The following KIAA0825 variants were observed in gnomAD, a reference collection of about 807,000 sequenced individuals.
The protein encoded by KIAA0825 is uncharacterized protein KIAA0825.
In KIAA0825, 119 loss-of-function variants were observed where a neutral mutation model predicts 147.6. That is an observed-to-expected ratio of 0.81 (90% CI 0.69 to 0.94). The LOEUF is 0.94. Among genes scored for constraint, KIAA0825 ranks in the 40% least tolerant of loss-of-function variants. The pLI, the probability that KIAA0825 is intolerant of heterozygous loss-of-function variation, is 0.00. For synonymous variants in KIAA0825, 470 were observed against 518.1 expected, an observed-to-expected ratio of 0.91 and a Z score of 1.26; for missense variants, 1,381 against 1,472.7, an observed-to-expected ratio of 0.94 and a Z score of 1.02.
intron 20 of KIAA0825, among the ~76,000 whole-genome samples, chr5:94,305,789 T>C (rs1778690091): frequency 6.6e-6 from 1 of 151,912 alleles, no homozygotes; most frequent in Admixed American, 6.6e-5. Flanking sequence ...CAGTAACTTA[T>C]TTGTGAATGT....
At chr5:94,447,749 G>A (rs983472866) in intron 13 of KIAA0825, among the ~76,000 whole-genome samples, 30 of 152,004 alleles carry the variant, frequency 2.0e-4, no homozygotes, top group Non-Finnish European at 3.5e-4. Flanking sequence ...TTTTTAGGGA[G>A]GAAAATATAT....
intron 13 of KIAA0825, among the ~76,000 whole-genome samples, chr5:94,445,986 G>A (rs1757676178): frequency 6.6e-6 from 1 of 152,140 alleles, no homozygotes. Flanking sequence ...CCGCAGAGCA[G>A]TTTTTCAGCA....
At chr5:94,607,438 C>CATGGTGAAACCTTG (rs113330220) in intron 1 of KIAA0825, among the ~76,000 whole-genome samples, 54,632 of 151,648 alleles carry the variant, frequency 0.36, 10,606 homozygotes, top group African/African-American at 0.47. Flanking sequence ...GCCTGGCCAA[C>CATGGTGAAACCTTG]CCTCTACTAA....
chr5:94,428,132 A>G (rs1755136401), intron 14 of KIAA0825, among the ~76,000 whole-genome samples: 1 of 145,876 alleles, frequency 6.9e-6, no homozygotes, highest in African/African-American at 2.5e-5. Flanking sequence ...ACAGCAGAGG[A>G]TAAGGTCTTG....
chr5:94,370,467 T>G lies in KIAA0825; in HGVS notation c.3710+13901A>C, dbSNP rs73142946. On this transcript the variant is annotated intron_variant, in intron 20 of 20. Coordinates refer to ENST00000682413, the MANE Select transcript of KIAA0825 (RefSeq NM_001145678.3). Reference sequence around the variant, plus strand: ...TAGAGAAATGATTTTAAAATAGGGGTTATATCAGATAAAGGTGAGGAATGG... The same window carrying G: ...TAGAGAAATGATTTTAAAATAGGGGGTATATCAGATAAAGGTGAGGAATGG... Among the ~76,000 whole-genome samples, 1,074 of 152,064 alleles carry G rather than the reference T, an allele frequency of 7.1e-3. 14 individuals are homozygous for G. Among genetic ancestry groups the G allele is most frequent in the African/African-American group, 0.025 (1,023 of 41,486 alleles).
chr5:94,469,866 G>A lies in KIAA0825; in HGVS notation c.1872+95C>T. 4 of 975,516 alleles carry A rather than the reference G, an allele frequency of 4.1e-6. No homozygotes were observed. The South Asian group carries it at 7.3e-5, about 18-fold the overall frequency. 60.4% of individuals were successfully genotyped at this position (975,516 alleles called of 1,614,324 possible). A position where few individuals can be genotyped will look rare whatever the true frequency, so the allele number is the denominator to read the frequency against. On this transcript the variant is annotated intron_variant, in intron 10 of 20. Transcript: ENST00000682413. ...TTATCCTAACAGCCTTCGGGTATTA[G>A]TAATGCCAAGCTCATGTTTCTAATT...
intron 14 of KIAA0825, among the ~76,000 whole-genome samples, chr5:94,426,901 G>C (rs1474609781): frequency 1.3e-5 from 2 of 152,112 alleles, no homozygotes. Context: ...TTTTTATGCT[G>C]TTCTCTTGTT....
chr5:94,292,383 G>T lies in KIAA0825; in HGVS notation c.3710+91985C>A, dbSNP rs528728206. On this transcript the variant is annotated intron_variant, in intron 20 of 20. Coordinates refer to ENST00000682413, the MANE Select transcript of KIAA0825 (RefSeq NM_001145678.3). ...AGATAATCATGTGGTTTTTGTCATT[G>T]GTTCTGTTTATGTGATGGATTACGT... is the stretch of plus-strand genomic sequence containing the variant. Among the ~76,000 whole-genome samples, 8 of 152,234 alleles carry T rather than the reference G, an allele frequency of 5.3e-5. No homozygotes were observed. In the South Asian group the frequency reaches 8.3e-4, roughly 16 times the overall value.
intron 20 of KIAA0825, among the ~76,000 whole-genome samples, chr5:94,221,967 G>A (rs1041508484): frequency 1.3e-5 from 2 of 152,026 alleles, no homozygotes; most frequent in African/African-American, 4.8e-5. Context: ...CTAGTTCCAG[G>A]CAAAACAGTG....
intron 20 of KIAA0825, among the ~76,000 whole-genome samples, chr5:94,323,591 C>A (rs1322700335): frequency 6.6e-6 from 1 of 150,550 alleles, no homozygotes; most frequent in Non-Finnish European, 1.5e-5. Context: ...AAAGTGTATT[C>A]AGTAAAAGAA....
At position 94,473,298 on chromosome 5, in the gene KIAA0825, A is replaced by G. The variant is rs748128313; in HGVS notation, c.1449T>C (p.Ile483=). ...AAGGATTTCATATACTTGCTTTTCC[A>G]ATTTTCTTTGGTTGTTCCTCCTCAG... ...MFPEEEQPKK[I]GKFCSDIMEK... is the part of the protein sequence containing the mutation. The change falls in exon 8 of 21, where the codon ATT becomes ATC. Residue 483 remains isoleucine, a synonymous_variant. Coordinates refer to ENST00000682413, the MANE Select transcript of KIAA0825 (RefSeq NM_001145678.3). 3 of 1,551,406 alleles carry G rather than the reference A, an allele frequency of 1.9e-6. No individual in the cohort carries two copies. In the South Asian group the frequency reaches 3.6e-5, roughly 18 times the overall value.
At chr5:94,345,820 C>A (rs989663389) in intron 20 of KIAA0825, among the ~76,000 whole-genome samples, 1 of 152,044 alleles carries the variant, frequency 6.6e-6, no homozygotes, top group Non-Finnish European at 1.5e-5. Flanking sequence ...TCTCCAAAAA[C>A]CGAGCTCTCC....
intron 20 of KIAA0825, among the ~76,000 whole-genome samples, chr5:94,225,456 GC>G (rs1562322293): frequency 6.6e-6 from 1 of 152,152 alleles, no homozygotes; most frequent in Non-Finnish European, 1.5e-5. Flanking sequence ...AAATTCATAT[GC>G]TGAAGTCCTA....
intron 20 of KIAA0825, among the ~76,000 whole-genome samples, chr5:94,161,587 A>G (rs1767589780): frequency 6.6e-6 from 1 of 152,134 alleles, no homozygotes; most frequent in Non-Finnish European, 1.5e-5. Flanking sequence ...GCTTTGTTAC[A>G]TCTTTTCTAT....
At chr5:94,412,382 G>A (rs370799140) in intron 15 of KIAA0825, among the ~76,000 whole-genome samples, 3 of 152,106 alleles carry the variant, frequency 2.0e-5, no homozygotes, top group Non-Finnish European at 2.9e-5. Context: ...TGACTACTTC[G>A]TGAAACAGTT....
At position 94,386,311 on chromosome 5, in the gene KIAA0825, C is replaced by A. The variant is rs1362850194; in HGVS notation, c.3550G>T (p.Asp1184Tyr). 2 of 1,551,560 alleles carry A rather than the reference C, an allele frequency of 1.3e-6. No individual in the cohort carries two copies. The highest frequency in any genetic ancestry group is 3.9e-5 in the Admixed American group (2 of 50,998). Residue 1184 changes from aspartate to tyrosine, a missense_variant, in exon 19 of 21, where the codon GAT (aspartate) becomes TAT (tyrosine). Coordinates refer to ENST00000682413, the MANE Select transcript of KIAA0825 (RefSeq NM_001145678.3). ...PLKTTLRSIE[D>Y]QPSAFNPFHV... Reference sequence around the variant, plus strand: ...AAAGGGTTAAAGGCAGAAGGCTGATCTTCTATACTCCTCAAGGTCGTCTTT... The same window carrying A: ...AAAGGGTTAAAGGCAGAAGGCTGATATTCTATACTCCTCAAGGTCGTCTTT...
chr5:94,534,412 A>T (rs1771551332), intron 3 of KIAA0825, among the ~76,000 whole-genome samples: 1 of 152,202 alleles, frequency 6.6e-6, no homozygotes, highest in African/African-American at 2.4e-5. Context: ...ATAAAAACAT[A>T]ATTGAATTTG....
At chr5:94,353,123 G>A (rs13176314) in intron 20 of KIAA0825, among the ~76,000 whole-genome samples, 28,839 of 151,914 alleles carry the variant, frequency 0.19, 3,798 homozygotes, top group African/African-American at 0.38. Flanking sequence ...TTGTCAAAAA[G>A]ATAAAAGTTC....
rs778709125 is a variant in KIAA0825, at chr5:94,372,473, C to T, written c.3710+11895G>A. Among the ~76,000 whole-genome samples the T allele has an allele frequency of 2.6e-4, 40 of 152,232 alleles. 1 individual carries two copies. The highest frequency in any genetic ancestry group is 3.4e-4 in the Non-Finnish European group (23 of 68,034). On this transcript the variant is annotated intron_variant, in intron 20 of 20. Transcript: ENST00000682413. ...CTTCAATTCTTGTCTTCTGTGCACC[C>T]GCAGTACCAAACCACGTGGAAGCTG...
Sources: allele counts gnomAD v4.1 joint callset (sites outside exome capture counted in the v4.1 genomes callset), GRCh38; gene constraint gnomAD v4.1.1; transcripts MANE v1.5; gene names NCBI Gene and HGNC (gene_info 2026-07-23, HGNC 2026-07-21).